Variants in DNAH1 observed in about 807,000 individuals in gnomAD.
The protein encoded by DNAH1 is dynein axonemal heavy chain 1.
Under a neutral mutation model 484.3 loss-of-function variants are expected in DNAH1, and 327 were observed. The observed-to-expected ratio is 0.68, with a 90% CI of 0.62 to 0.74. The LOEUF (loss-of-function observed/expected upper bound fraction) is 0.74. Ranked by LOEUF, DNAH1 falls within the 30% of genes least tolerant of loss-of-function variation. The pLI is 0.00. For missense variants in DNAH1, 5,052 were observed against 5,546.8 expected, an observed-to-expected ratio of 0.91 and a Z score of 2.83; for synonymous variants, 2,192 against 2,191.9, an observed-to-expected ratio of 1.00 and a Z score of 0.00.
intron 8 of DNAH1, among the ~76,000 whole-genome samples, chr3:52,334,437 C>T (rs1701664998): frequency 2.6e-5 from 4 of 152,120 alleles, no homozygotes; most frequent in African/African-American, 2.4e-5. Flanking sequence ...ATACTGTATA[C>T]ACTTAGGCTA....
rs570778092 is a variant in DNAH1, at chr3:52,383,938, C to T, written c.8229C>T (p.Asn2743=). The T allele has an allele frequency of 2.0e-5, 32 of 1,613,274 alleles. No homozygotes were observed. Among genetic ancestry groups the T allele is most frequent in the South Asian group, 3.3e-5 (3 of 90,898 alleles). The change falls in exon 52 of 78, where the codon AAC becomes AAT. Residue 2743 remains asparagine, a synonymous_variant. Coordinates refer to ENST00000420323, the MANE Select transcript of DNAH1 (RefSeq NM_015512.5). ...ACTGCTGTACCATCGACTGGTTTAA[C>T]GAGTGGCCGGCAGAAGCCCTGAAGT... ...LVNCCTIDWF[N]EWPAEALKSV...
Position 52,368,732 on chromosome 3 carries a change from G to A in DNAH1, c.5766-9G>A. 1.2e-6 allele frequency: 2 copies of A among 1,608,752 alleles called. No homozygotes were observed. Among genetic ancestry groups the A allele is most frequent in the Non-Finnish European group, 1.7e-6 (2 of 1,176,420 alleles). Reference sequence around the variant, plus strand: ...GATGTTTCCAGCCCTCTCCTCCCTGGCGCTGCAGGACAGACGGGATATTCT... The same window carrying A: ...GATGTTTCCAGCCCTCTCCTCCCTGACGCTGCAGGACAGACGGGATATTCT... On this transcript the variant is annotated splice_polypyrimidine_tract_variant and intron_variant, in intron 36 of 77. Coordinates refer to ENST00000420323, the MANE Select transcript of DNAH1 (RefSeq NM_015512.5). The surrounding 1 kb of genome is among the most constrained non-coding windows in gnomAD (Gnocchi z 4.4).
chr3:52,387,483 T>G (rs1018539664), intron 56 of DNAH1, among the ~76,000 whole-genome samples: 11 of 152,200 alleles, frequency 7.2e-5, no homozygotes, highest in African/African-American at 2.2e-4. Flanking sequence ...ATCCACTGTG[T>G]GTCAGTATCA....
chr3:52,353,302 G>A lies in DNAH1; in HGVS notation c.3226+1G>A. ...GTGAAGCAGTTTAAGGACATGCCAG[G>A]TAGGGAGCCAAGCCGGCCAATCCCC... On this transcript the variant is annotated splice_donor_variant, in intron 19 of 77. Coordinates refer to ENST00000420323, the MANE Select transcript of DNAH1 (RefSeq NM_015512.5). LOFTEE classifies it high-confidence loss of function. The surrounding 1 kb of genome is among the most constrained non-coding windows in gnomAD (Gnocchi z 5.0). 1.2e-6 allele frequency: 2 copies of A among 1,612,288 alleles called. No homozygotes were observed. Among genetic ancestry groups the A allele is most frequent in the Non-Finnish European group, 1.7e-6 (2 of 1,178,616 alleles).
rs772445720 is a variant in DNAH1 at position 52,353,775 on chromosome 3, G to T, written c.3480+142G>T. ...GGTCATGAGGCCCAGGGGTTGAGAT[G>T]CATTCTATTAAGTGAGTTAATAATG... On this transcript the variant is annotated intron_variant, in intron 20 of 77. Coordinates refer to ENST00000420323, the MANE Select transcript of DNAH1 (RefSeq NM_015512.5). This position sits in a 1 kb window ranked among gnomAD's most constrained non-coding sequence, Gnocchi z 5.0. 8.1e-6 allele frequency: 9 copies of T among 1,113,600 alleles called. No individual in the cohort carries two copies. The highest frequency in any genetic ancestry group is 1.1e-5 in the Non-Finnish European group (9 of 791,658). The allele number at this position is 1,113,600 out of a possible 1,614,324, so 69.0% of individuals were successfully genotyped here. A position where few individuals can be genotyped will look rare whatever the true frequency, so the allele number is the denominator to read the frequency against.
Position 52,361,107 on chromosome 3 carries a change from A to T in DNAH1, c.4686-57A>T. On this transcript the variant is annotated intron_variant, in intron 28 of 77. Coordinates refer to ENST00000420323, the MANE Select transcript of DNAH1 (RefSeq NM_015512.5). This position sits in a 1 kb window ranked among gnomAD's most constrained non-coding sequence, Gnocchi z 5.6. ...CCCCAGTCCACAGGAAATTCCAAGG[A>T]AAGGGGGAGTGTCCAGGCCATGTGC... The T allele has an allele frequency of 3.6e-6, 5 of 1,387,568 alleles. No individual in the cohort carries two copies. Among genetic ancestry groups the T allele is most frequent in the Non-Finnish European group, 4.7e-6 (5 of 1,063,966 alleles). The allele number at this position is 1,387,568 out of a possible 1,614,324, so 86.0% of individuals were successfully genotyped here. A position where few individuals can be genotyped will look rare whatever the true frequency, so the allele number is the denominator to read the frequency against.
At chr3:52,384,743 TG>T in intron 52 of DNAH1, 42 bp from the exon 53 acceptor site, 1 of 1,521,696 alleles carries the variant, frequency 6.6e-7, no homozygotes, top group Non-Finnish European at 8.8e-7. Flanking sequence ...CTGTCTTTCC[TG>T]GGGCCTCTAC....
chr3:52,329,542 A>G (rs539186592), intron 6 of DNAH1, among the ~76,000 whole-genome samples: 3 of 152,208 alleles, frequency 2.0e-5, no homozygotes, highest in African/African-American at 4.8e-5. Context: ...AAAAAAAACC[A>G]GGGGGCCAGG....
At chr3:52,331,422 C>T in intron 7 of DNAH1, 113 bp downstream of exon 7, 1 of 1,282,350 alleles carries the variant, frequency 7.8e-7, no homozygotes, top group South Asian at 1.5e-5. Context: ...TTCTACTTTT[C>T]TGTTTGCCCA....
At chr3:52,328,043 A>C in intron 6 of DNAH1, 29 bp downstream of exon 6, 1 of 1,605,846 alleles carries the variant, frequency 6.2e-7, no homozygotes. Flanking sequence ...GAGTGGGGAC[A>C]CTATCTCATT....
At position 52,399,059 on chromosome 3, in the gene DNAH1, T is replaced by C. The variant is rs773541062; in HGVS notation, c.12299T>C (p.Leu4100Pro). The C allele has an allele frequency of 6.2e-7, 1 of 1,614,086 alleles. No individual in the cohort carries two copies. Among genetic ancestry groups the C allele is most frequent in the East Asian group, 2.2e-5 (1 of 44,886 alleles). ...VMDLLQRLDFLQAWIQDGIPA... is the reference protein window; with the variant it reads ...VMDLLQRLDFPQAWIQDGIPA... Reference sequence around the variant, plus strand: ...GACCTGCTGCAACGCCTGGACTTTCTGCAGGCCTGGATCCAAGATGGCATC... The same window carrying C: ...GACCTGCTGCAACGCCTGGACTTTCCGCAGGCCTGGATCCAAGATGGCATC... Residue 4100 changes from leucine to proline, a missense_variant, in exon 76 of 78, where the codon CTG becomes CCG. Transcript: ENST00000420323.
At position 52,322,576 on chromosome 3, in the gene DNAH1, C is replaced by T. The variant is rs1395525514; in HGVS notation, c.134C>T (p.Ser45Leu). ...EYNPGKILPG[S>L]DYGLGNPPAL... ...AACCCGGGGAAGATTCTTCCAGGAT[C>T]AGACTATGGGTTGGGAAATCCTCCA... Residue 45 changes from serine (S) to leucine (L), a missense_variant, in exon 2 of 78, where the codon TCA becomes TTA. Ser to Leu is a moderately radical substitution (Grantham distance 145, BLOSUM62 -2). Coordinates refer to ENST00000420323, the MANE Select transcript of DNAH1 (RefSeq NM_015512.5). 3 of 1,613,894 alleles carry T rather than the reference C, an allele frequency of 1.9e-6. No homozygotes were observed. The highest frequency in any genetic ancestry group is 1.7e-6 in the Non-Finnish European group (2 of 1,179,844).
intron 44 of DNAH1, 137 bp downstream of exon 44, chr3:52,373,190 G>C (rs1051423370): frequency 3.3e-5 from 42 of 1,261,832 alleles, no homozygotes; most frequent in Non-Finnish European, 4.3e-5. Context: ...TTAAAGGGGA[G>C]GAGGGGGGCC....
Position 52,383,607 on chromosome 3 carries a change from G to C in DNAH1, c.8150+13G>C. 1 of 1,556,794 alleles carries C rather than the reference G, an allele frequency of 6.4e-7. No homozygotes were observed. The highest frequency in any genetic ancestry group is 1.2e-5 in the South Asian group (1 of 85,542). ...TGCTGTGCATGAGGTACAGGCAGCT[G>C]TCGCCAGGCTGCGCTGGGGCAGCGG... is the stretch of plus-strand genomic sequence containing the variant. On this transcript the variant is annotated intron_variant, in intron 51 of 77. Transcript: ENST00000420323.
intron 13 of DNAH1, 49 bp downstream of exon 13, chr3:52,349,130 A>G (rs777085741): frequency 1.2e-6 from 2 of 1,612,316 alleles, no homozygotes; most frequent in South Asian, 1.1e-5. Flanking sequence ...GTGTTTGTGC[A>G]TGTGTATCCC....
Position 52,400,352 on chromosome 3 carries a change from C to T in DNAH1, c.12704C>T (p.Thr4235Ile). 3 of 1,614,022 alleles carry T rather than the reference C, an allele frequency of 1.9e-6. No homozygotes were observed. The highest frequency in any genetic ancestry group is 1.7e-5 in the Admixed American group (1 of 60,024). The change falls in exon 78 of 78, where the codon ACC (threonine) becomes ATC (isoleucine). Residue 4235 changes from threonine (T) to isoleucine (I), a missense_variant. Physicochemically the swap from Thr to Ile is moderately conservative, Grantham distance 89 (BLOSUM62 -1). Transcript: ENST00000420323. ...AGTLSTTGHS[T>I]NYVIAVEIPT... ...ACACTATCAACCACAGGACACTCTACCAACTATGTCATTGCTGTGGAGATC... is the reference window on the plus strand; with the variant it reads ...ACACTATCAACCACAGGACACTCTATCAACTATGTCATTGCTGTGGAGATC...
At chr3:52,314,878 G>T (rs1229868561), upstream of DNAH1, among the ~76,000 whole-genome samples, 1 of 152,140 alleles carries the variant, frequency 6.6e-6, no homozygotes, top group African/African-American at 2.4e-5. Context: ...TTAGGTGGGG[G>T]CTGTGATGGA....
Position 52,355,822 on chromosome 3 carries a change from C to T in DNAH1, c.3693+767C>T, listed in dbSNP as rs1702585862. 6.6e-6 allele frequency among the ~76,000 whole-genome samples: 1 copy of T among 152,244 alleles called. No homozygotes were observed. The highest frequency in any genetic ancestry group is 2.1e-4 in the South Asian group (1 of 4,828). ...AAGGCCCAGCAACAAGCAGCCTTGC[C>T]GACTCTCCCTCACCATCCTTCAAGG... is the stretch of plus-strand genomic sequence containing the variant. On this transcript the variant is annotated intron_variant, in intron 21 of 77. Transcript: ENST00000420323. This position sits in a 1 kb window ranked among gnomAD's most constrained non-coding sequence, Gnocchi z 4.5.
Position 52,332,377 on chromosome 3 carries a change from G to A in DNAH1, c.1269G>A (p.Arg423=), listed in dbSNP as rs767251270. Residue 423 remains arginine (R), a synonymous_variant, in exon 8 of 78, where the codon CGG becomes CGA. Transcript: ENST00000420323. ...AGCAGTGGGCCCTGAGCACGCCTCG[G>A]ATGCGCAAAGGCCCCTCGTGAGTCC... ...KIKQWALSTP[R]MRKGPSVLEH... 3 of 1,613,452 alleles carry A rather than the reference G, an allele frequency of 1.9e-6. No homozygotes were observed. The highest frequency in any genetic ancestry group is 2.5e-6 in the Non-Finnish European group (3 of 1,179,842).
Sources: gnomAD v4.1 joint callset for allele counts (sites outside exome capture counted in the v4.1 genomes callset) on GRCh38, gnomAD v4.1.1 for gene constraint, Gnocchi (gnomAD v3.1) non-coding constraint, MANE v1.5 for transcripts, NCBI Gene and HGNC (gene_info 2026-07-23, HGNC 2026-07-21) for gene names.